WDR72: variants seen among roughly 807,000 people sequenced by gnomAD.
WDR72 encodes the protein WD repeat-containing protein 72.
A neutral mutation model predicts 124.2 loss-of-function variants in WDR72; 120 were observed. The observed-to-expected ratio is 0.97, with a 90% CI of 0.83 to 1.12. The LOEUF (loss-of-function observed/expected upper bound fraction) is 1.12. WDR72 is among the 50% of genes most tolerant of loss of function. The probability of loss-of-function intolerance (pLI) is 0.00; values close to 1 mark genes in which losing one functional copy is unlikely to be tolerated. For synonymous variants in WDR72, 452 were observed against 441.7 expected (o/e 1.02, Z -0.29); for missense variants, 1,387 against 1,278.8 (o/e 1.08, Z -1.29).
chr15:53,540,997 C>T, intron 18 of WDR72: 1 of 159,570 alleles, frequency 6.3e-6, no homozygotes. Context: ...GTCCTACGCC[C>T]ACGGAGTCTC....
chr15:53,579,774 T>C (rs1291828783), intron 18 of WDR72, among the ~76,000 whole-genome samples: 1 of 152,102 alleles, frequency 6.6e-6, no homozygotes, highest in Non-Finnish European at 1.5e-5. Flanking sequence ...ACCACTCATA[T>C]GCCAAGTACT....
intron 14 of WDR72, among the ~76,000 whole-genome samples, chr15:53,654,862 T>C (rs2140433350): frequency 6.6e-6 from 1 of 152,290 alleles, no homozygotes; most frequent in African/African-American, 2.4e-5. Flanking sequence ...ATTTAATTAC[T>C]AAAAATATGC....
Position 53,609,489 on chromosome 15 carries a change from T to C in WDR72, c.2952+24A>G, listed in dbSNP as rs114605462. ...GCAGCAAGGAACTCTTCTAATAACGTCATGAATGTGAATTATATCATACCT... is the reference window on the plus strand; with the variant it reads ...GCAGCAAGGAACTCTTCTAATAACGCCATGAATGTGAATTATATCATACCT... On this transcript the variant is annotated intron_variant, in intron 17 of 19. Transcript: ENST00000360509. 907 of 1,601,178 alleles carry C rather than the reference T, an allele frequency of 5.7e-4. 3 individuals carry two copies. In the African/African-American group the frequency reaches 1.0e-2, roughly 18 times the overall value.
intron 17 of WDR72, among the ~76,000 whole-genome samples, chr15:53,604,516 A>C (rs1211601540): frequency 1.3e-5 from 2 of 152,238 alleles, no homozygotes; most frequent in Admixed American, 1.3e-4. Flanking sequence ...CTGCACAGCG[A>C]AAGAAACTAT....
At chr15:53,756,792 C>T (rs1047146285) in intron 1 of WDR72, 1 of 152,090 alleles carries the variant, frequency 6.6e-6, no homozygotes, top group Non-Finnish European at 1.5e-5. Flanking sequence ...TCTTGGAGAA[C>T]ATAAGTAACT....
rs2017348962 is a variant in WDR72, at chr15:53,706,154, A to G, written c.955-80T>C. 2.9e-6 allele frequency: 4 copies of G among 1,397,160 alleles called. No individual in the cohort carries two copies. The East Asian group carries it at 7.0e-5, about 24-fold the overall frequency. 86.5% of individuals were successfully genotyped at this position (1,397,160 alleles called of 1,614,324 possible). A position where few individuals can be genotyped will look rare whatever the true frequency, so the allele number is the denominator to read the frequency against. On this transcript the variant is annotated intron_variant, in intron 9 of 19. Coordinates refer to ENST00000360509, the MANE Select transcript of WDR72 (RefSeq NM_182758.4). ...CACTGTTTTTAAATGGAGAAACAAG[A>G]CTTAATAACTGAATAAATCTTTTCA...
chr15:53,762,446 T>C (rs924813523), upstream of WDR72, among the ~76,000 whole-genome samples: 32 of 152,232 alleles, frequency 2.1e-4, no homozygotes, highest in African/African-American at 7.7e-4. Context: ...CTGTAAGCTC[T>C]GTAAAGGCAG....
intron 18 of WDR72, among the ~76,000 whole-genome samples, chr15:53,552,128 A>ATGTGTGTG (rs34039658): frequency 9.0e-4 from 135 of 149,844 alleles, no homozygotes; most frequent in African/African-American, 3.0e-3. Context: ...TATACCTATC[A>ATGTGTGTG]TGTGTGTGTG....
At chr15:53,521,418 T>TA in intron 19 of WDR72, among the ~76,000 whole-genome samples, 1 of 152,212 alleles carries the variant, frequency 6.6e-6, no homozygotes, top group Middle Eastern at 3.4e-3. Context: ...CAGAGGTTTC[T>TA]AGGCCTATAA....
At chr15:53,728,814 G>A (rs992598778) in intron 2 of WDR72, among the ~76,000 whole-genome samples, 10 of 152,146 alleles carry the variant, frequency 6.6e-5, no homozygotes, top group Non-Finnish European at 1.3e-4. Flanking sequence ...GGGGAAACTA[G>A]AGGGCTATGG....
chr15:53,524,212 A>G (rs1442526185), intron 18 of WDR72, among the ~76,000 whole-genome samples: 5 of 152,130 alleles, frequency 3.3e-5, no homozygotes, highest in African/African-American at 1.2e-4. Flanking sequence ...AATTAAGCCA[A>G]ATGTTCTAAA....
intron 18 of WDR72, among the ~76,000 whole-genome samples, chr15:53,580,449 C>A (rs1249102428): frequency 6.6e-6 from 1 of 152,010 alleles, no homozygotes; most frequent in African/African-American, 2.4e-5. Flanking sequence ...ATCATGATCT[C>A]AGTGTAATAG....
chr15:53,566,800 A>G (rs1227469072), intron 18 of WDR72, among the ~76,000 whole-genome samples: 1 of 151,990 alleles, frequency 6.6e-6, no homozygotes, highest in Non-Finnish European at 1.5e-5. Flanking sequence ...CCACTTTTTT[A>G]TTTATAAGGA....
rs1403812763 is a variant in WDR72, at chr15:53,716,619, G to A, written c.327C>T (p.His109=). 4 of 1,607,124 alleles carry A rather than the reference G, an allele frequency of 2.5e-6. No individual in the cohort carries two copies. The South Asian group carries it at 3.3e-5, about 13-fold the overall frequency. The change falls in exon 4 of 20, where the codon CAC becomes CAT. Residue 109 remains histidine (H), a synonymous_variant. Coordinates refer to ENST00000360509, the MANE Select transcript of WDR72 (RefSeq NM_182758.4). The part of the protein sequence containing the change: ...CMEKATLPYR[H]TAICYYHCSF... Reference sequence around the variant, plus strand: ...TGAGTGTACTTACACAGATTGCAGTGTGCCTGTAAGGAAGTGTAGCCTTCT... The same window carrying A: ...TGAGTGTACTTACACAGATTGCAGTATGCCTGTAAGGAAGTGTAGCCTTCT...
chr15:53,759,221 A>T (rs1244769700), intron 1 of WDR72: 1 of 152,092 alleles, frequency 6.6e-6, no homozygotes, highest in Non-Finnish European at 1.5e-5. Flanking sequence ...AATAAAATTA[A>T]TTCAATCGAT....
intron 7 of WDR72, 139 bp from the exon 8 acceptor site, chr15:53,711,620 A>ATATT: frequency 1.1e-6 from 1 of 936,316 alleles, no homozygotes; most frequent in South Asian, 1.5e-5. Flanking sequence ...TATTAAGATG[A>ATATT]TATTTTACCA....
chr15:53,691,791 A>G (rs528614596), intron 13 of WDR72, among the ~76,000 whole-genome samples: 3 of 152,356 alleles, frequency 2.0e-5, no homozygotes, highest in Admixed American at 1.3e-4. Context: ...GCTCTGGTCA[A>G]TTTAGGGATT....
At chr15:53,706,957 T>C (rs1360729736) in intron 9 of WDR72, among the ~76,000 whole-genome samples, 1 of 152,198 alleles carries the variant, frequency 6.6e-6, no homozygotes, top group Non-Finnish European at 1.5e-5. Context: ...CACTCATGAA[T>C]GCATTTAGAG....
rs910534310 is a variant in WDR72 at position 53,686,213 on chromosome 15, T to C, written c.1765+13537A>G. Among the ~76,000 whole-genome samples, 332 of 150,144 alleles carry C rather than the reference T, an allele frequency of 2.2e-3. 4 individuals are homozygous for C. Among genetic ancestry groups the C allele is most frequent in the Non-Finnish European group, 3.5e-3 (237 of 67,686 alleles). Reference sequence around the variant, plus strand: ...AGGATCAAATTCACACATAACAATATTAACTTTAAATGTAAATGGACTAAA... The same window carrying C: ...AGGATCAAATTCACACATAACAATACTAACTTTAAATGTAAATGGACTAAA... On this transcript the variant is annotated intron_variant, in intron 13 of 19. Coordinates refer to ENST00000360509, the MANE Select transcript of WDR72 (RefSeq NM_182758.4).
Sources: allele counts gnomAD v4.1 joint callset (sites outside exome capture counted in the v4.1 genomes callset), GRCh38; gene constraint gnomAD v4.1.1; transcripts MANE v1.5; gene names NCBI Gene and HGNC (gene_info 2026-07-23, HGNC 2026-07-21).